Variants in SARNP observed in about 807,000 individuals in gnomAD.
SARNP encodes SAP domain containing ribonucleoprotein, also known as SAP domain-containing ribonucleoprotein.
A neutral mutation model predicts 38.1 loss-of-function variants in SARNP; 5 were observed. The ratio of observed to expected loss-of-function variants is 0.13; its 90% CI spans 0.07 to 0.28. The LOEUF is 0.28. SARNP is among the 10% of genes least tolerant of loss of function. The probability of loss-of-function intolerance (pLI) is 1.00; values close to 1 mark genes in which losing one functional copy is unlikely to be tolerated. For synonymous variants in SARNP, 84 were observed against 80.6 expected (o/e 1.04, Z -0.23); for missense variants, 180 against 243.9 (o/e 0.74, Z 1.75).
chr12:55,774,945 G>A (rs1879131722), intron 9 of SARNP, among the ~76,000 whole-genome samples: 1 of 141,466 alleles, frequency 7.1e-6, no homozygotes, highest in Non-Finnish European at 1.5e-5. Context: ...GGAGCACAGT[G>A]GCGCAATCTT....
intron 9 of SARNP, among the ~76,000 whole-genome samples, chr12:55,774,328 T>G (rs1355453977): frequency 6.6e-6 from 1 of 152,006 alleles, no homozygotes; most frequent in Admixed American, 6.6e-5. Context: ...CTCCTTCTTT[T>G]CAACCACCTC....
rs1395195296 is a variant in SARNP, at chr12:55,757,448, T to C, written c.*64A>G. 13 of 1,448,648 alleles carry C rather than the reference T, an allele frequency of 9.0e-6. No homozygotes were observed. Among genetic ancestry groups the C allele is most frequent in the Non-Finnish European group, 1.2e-5 (13 of 1,048,046 alleles). The allele number at this position is 1,448,648 out of a possible 1,614,324, so 89.7% of individuals were successfully genotyped here. A position where few individuals can be genotyped will look rare whatever the true frequency, so the allele number is the denominator to read the frequency against. Reference sequence around the variant, plus strand: ...ACATGACTGTGCATTTAGGCATATATGTGACCAAGAAGAAGGAGAGAAATG... The same window carrying C: ...ACATGACTGTGCATTTAGGCATATACGTGACCAAGAAGAAGGAGAGAAATG... On this transcript the variant is annotated 3_prime_UTR_variant, in exon 11 of 11. Transcript: ENST00000336133.
intron 7 of SARNP, 35 bp from the exon 8 acceptor site, chr12:55,790,627 T>G: frequency 6.8e-7 from 1 of 1,463,266 alleles, no homozygotes; most frequent in Non-Finnish European, 9.1e-7. Context: ...TTAATATTTT[T>G]AAAAGTCATC....
chr12:55,770,173 C>A (rs898189386), intron 9 of SARNP, among the ~76,000 whole-genome samples: 2 of 151,840 alleles, frequency 1.3e-5, no homozygotes, highest in African/African-American at 4.8e-5. Context: ...TTAAAATACT[C>A]AATGTCCTCA....
At chr12:55,783,472 T>A (rs936419107) in intron 9 of SARNP, among the ~76,000 whole-genome samples, 5 of 151,734 alleles carry the variant, frequency 3.3e-5, no homozygotes, top group Non-Finnish European at 7.4e-5. Context: ...CTTGTCACCT[T>A]CCATTAGCCT....
intron 9 of SARNP, among the ~76,000 whole-genome samples, chr12:55,783,745 T>C (rs1428439216): frequency 6.6e-6 from 1 of 151,962 alleles, no homozygotes; most frequent in East Asian, 1.9e-4. Flanking sequence ...ATCTGTAATA[T>C]GCTGAAGCCA....
chr12:55,760,280 C>T lies in SARNP; in HGVS notation c.591+271G>A, dbSNP rs911510459. 2.2e-5 allele frequency: 10 copies of T among 448,660 alleles called. No homozygotes were observed. The Middle Eastern group carries it at 1.7e-3, about 78-fold the overall frequency. The allele number at this position is 448,660 out of a possible 1,614,324, so 27.8% of individuals were successfully genotyped here. A position where few individuals can be genotyped will look rare whatever the true frequency, so the allele number is the denominator to read the frequency against. ...AATTTGGGAGCTGAGTGCAGAGGAT[C>T]GCTTGAGCCCAGGAGTTTGAGACCA... is the stretch of plus-strand genomic sequence containing the variant. On this transcript the variant is annotated intron_variant, in intron 10 of 10. Transcript: ENST00000336133.
chr12:55,771,273 T>C (rs574669051), intron 9 of SARNP, among the ~76,000 whole-genome samples: 2 of 152,190 alleles, frequency 1.3e-5, no homozygotes, highest in African/African-American at 4.8e-5. Flanking sequence ...TCTTCAATCT[T>C]ATTACCAGTG....
intron 1 of SARNP, among the ~76,000 whole-genome samples, chr12:55,813,539 A>ATTTTT (rs11412761): frequency 2.8e-5 from 3 of 108,060 alleles, no homozygotes; most frequent in African/African-American, 7.6e-5. Flanking sequence ...GCTGCCTGGA[A>ATTTTT]TTTTTTTTTT....
At chr12:55,757,583 T>G in intron 10 of SARNP, 30 bp from the exon 11 acceptor site, 1 of 1,591,864 alleles carries the variant, frequency 6.3e-7, no homozygotes, top group Non-Finnish European at 8.6e-7. Context: ...AGAAAAAAAT[T>G]AGACTGAAGA....
intron 9 of SARNP, among the ~76,000 whole-genome samples, chr12:55,777,393 G>A (rs1191664640): frequency 1.5e-5 from 2 of 129,128 alleles, no homozygotes; most frequent in Admixed American, 1.6e-4. Flanking sequence ...TTTTTTTTTT[G>A]AGATGGAGTC....
intron 9 of SARNP, among the ~76,000 whole-genome samples, chr12:55,780,489 G>GAGAAAAGAAA (rs534184430): frequency 6.6e-6 from 1 of 151,044 alleles, no homozygotes; most frequent in South Asian, 2.1e-4. Flanking sequence ...GAGAAGAGAA[G>GAGAAAAGAAA]AGAAAAGAAA....
chr12:55,815,184 A>G (rs1249682606), intron 1 of SARNP, among the ~76,000 whole-genome samples: 1 of 152,128 alleles, frequency 6.6e-6, no homozygotes, highest in East Asian at 1.9e-4. Context: ...CAGCCTCCTG[A>G]GGAGCTGGGA....
intron 10 of SARNP, among the ~76,000 whole-genome samples, chr12:55,758,181 T>C (rs1878571114): frequency 6.6e-6 from 1 of 152,182 alleles, no homozygotes; most frequent in Non-Finnish European, 1.5e-5. Flanking sequence ...GACTTCTGGT[T>C]CTGGAAGTGA....
intron 9 of SARNP, among the ~76,000 whole-genome samples, chr12:55,786,684 C>T (rs568032307): frequency 6.6e-6 from 1 of 151,898 alleles, no homozygotes; most frequent in African/African-American, 2.4e-5. Context: ...CTCCTGACCT[C>T]GTGATCCACC....
intron 1 of SARNP, among the ~76,000 whole-genome samples, chr12:55,816,354 G>A (rs1880484362): frequency 6.6e-6 from 1 of 152,102 alleles, no homozygotes; most frequent in Non-Finnish European, 1.5e-5. Flanking sequence ...GGAGATGATT[G>A]CTCAATTTTT....
At chr12:55,809,409 A>T (rs1880257734) in intron 1 of SARNP, among the ~76,000 whole-genome samples, 1 of 152,088 alleles carries the variant, frequency 6.6e-6, no homozygotes, top group Non-Finnish European at 1.5e-5. Flanking sequence ...ATGCCACTGC[A>T]CTCCAGCCTG....
intron 1 of SARNP, among the ~76,000 whole-genome samples, chr12:55,805,531 G>A (rs1215837520): frequency 6.6e-6 from 1 of 152,152 alleles, no homozygotes; most frequent in African/African-American, 2.4e-5. Flanking sequence ...AGCTAACATG[G>A]TGAAACCCTG....
chr12:55,760,924 C>A (rs748018621), intron 9 of SARNP: 36 of 297,124 alleles, frequency 1.2e-4, no homozygotes, highest in South Asian at 7.8e-4. Context: ...CACCTGTAAT[C>A]CTAGCACTTT....
Sources: allele counts gnomAD v4.1 joint callset (sites outside exome capture counted in the v4.1 genomes callset), GRCh38; gene constraint gnomAD v4.1.1; transcripts MANE v1.5; gene names NCBI Gene and HGNC (gene_info 2026-07-23, HGNC 2026-07-21).